Variants in KIF5A observed in about 807,000 individuals in gnomAD.
The protein encoded by KIF5A is kinesin heavy chain isoform 5A.
In KIF5A, 35 loss-of-function variants were observed where a neutral mutation model predicts 141.3. That is an observed-to-expected ratio of 0.25 (90% confidence interval 0.19 to 0.33). KIF5A has a LOEUF of 0.33. Ranked by LOEUF, KIF5A falls within the 10% of genes least tolerant of loss-of-function variation. KIF5A has a pLI of 1.00. For missense variants in KIF5A, 861 were observed against 1,314.3 expected, an observed-to-expected ratio of 0.66 and a Z score of 5.33; for synonymous variants, 448 against 500.2, an observed-to-expected ratio of 0.90 and a Z score of 1.39.
Position 57,572,252 on chromosome 12 carries a change from G to T in KIF5A, c.1554G>T (p.Glu518Asp). The change falls in exon 14 of 29, where the codon GAG becomes GAT. Residue 518 changes from glutamate to aspartate, a missense_variant. Physicochemically the swap from Glu to Asp is conservative, Grantham distance 45. Around this residue, in one of 5 missense-constraint regions of KIF5A, gnomAD observed 482 missense variants for 661.3 expected, o/e 0.73. Transcript: ENST00000455537. The surrounding 1 kb of genome is among the most constrained non-coding windows in gnomAD (Gnocchi z 4.2). Reference sequence around the variant, plus strand: ...AGCAGAACCAGCTTCTGGTGGATGAGCTGTCTCAGAAGGTGGTAAGTGGTG... The same window carrying T: ...AGCAGAACCAGCTTCTGGTGGATGATCTGTCTCAGAAGGTGGTAAGTGGTG... ...KSQQNQLLVD[E>D]LSQKVATMLS... is the part of the protein sequence containing the mutation. The T allele has an allele frequency of 1.3e-6, 2 of 1,596,378 alleles. No homozygotes were observed. Among genetic ancestry groups the T allele is most frequent in the Non-Finnish European group, 1.7e-6 (2 of 1,171,168 alleles).
intron 1 of KIF5A, among the ~76,000 whole-genome samples, chr12:57,558,628 G>A (rs1447648153): frequency 1.3e-5 from 2 of 152,180 alleles, no homozygotes; most frequent in Non-Finnish European, 2.9e-5. Context: ...GAGCTGAGAT[G>A]GAGCCACTGC....
At chr12:57,559,953 G>A (rs1229290182) in intron 1 of KIF5A, among the ~76,000 whole-genome samples, 4 of 152,184 alleles carry the variant, frequency 2.6e-5, no homozygotes, top group East Asian at 1.9e-4. Context: ...GTGCGGTGGC[G>A]CGATCTCGGC....
chr12:57,555,120 A>G (rs1396668100), intron 1 of KIF5A, among the ~76,000 whole-genome samples: 1 of 152,166 alleles, frequency 6.6e-6, no homozygotes, highest in Non-Finnish European at 1.5e-5. Flanking sequence ...GAGGCAGGGG[A>G]GAGGAACATC....
At chr12:57,557,833 A>G (rs2140155269) in intron 1 of KIF5A, among the ~76,000 whole-genome samples, 1 of 152,230 alleles carries the variant, frequency 6.6e-6, no homozygotes, top group Middle Eastern at 3.4e-3. Flanking sequence ...CTAGGATTAT[A>G]GGCATGTACC....
In KIF5A at chr12:57,550,092, G is replaced by T. The variant is rs1446102111; in HGVS notation, c.-180G>T. 1.3e-6 allele frequency: 1 copy of T among 746,580 alleles called. No homozygotes were observed. Among genetic ancestry groups the T allele is most frequent in the East Asian group, 2.7e-5 (1 of 36,874 alleles). The allele number at this position is 746,580 out of a possible 1,614,324, so 46.2% of individuals were successfully genotyped here. Reference sequence around the variant, plus strand: ...CCCAGGTCGCCCGCATCCCGCTGCCGCAGGAGAGAGACAGCGCGCCCCGGC... The same window carrying T: ...CCCAGGTCGCCCGCATCCCGCTGCCTCAGGAGAGAGACAGCGCGCCCCGGC... On this transcript the variant is annotated 5_prime_UTR_variant, in exon 1 of 29. Coordinates refer to ENST00000455537, the MANE Select transcript of KIF5A (RefSeq NM_004984.4). This position sits in a 1 kb window ranked among gnomAD's most constrained non-coding sequence, Gnocchi z 4.6.
At position 57,564,970 on chromosome 12, in the gene KIF5A, C is replaced by T; in HGVS notation, c.498C>T (p.Val166=). 6.2e-7 allele frequency: 1 copy of T among 1,614,038 alleles called. No individual in the cohort carries two copies. Among genetic ancestry groups the T allele is most frequent in the Non-Finnish European group, 8.5e-7 (1 of 1,179,964 alleles). The change falls in exon 6 of 29, where the codon GTC becomes GTT. Residue 166 remains valine (V), a synonymous_variant. Transcript: ENST00000455537. ...AGGACAAGAACCGGGTGCCATTTGT[C>T]AAGGTGAGAGTGGGTGTGGGGCACC... ...VHEDKNRVPF[V]KGCTERFVSS... is the part of the protein sequence containing the mutation.
intron 24 of KIF5A, 26 bp from the exon 25 acceptor site, chr12:57,581,389 A>G: frequency 6.2e-7 from 1 of 1,613,036 alleles, no homozygotes; most frequent in African/African-American, 1.3e-5. Context: ...TAGCCTCCTC[A>G]TGGTTGTTTT....
chr12:57,574,827 C>T (rs1882371627), intron 15 of KIF5A, among the ~76,000 whole-genome samples: 1 of 152,164 alleles, frequency 6.6e-6, no homozygotes, highest in Non-Finnish European at 1.5e-5. Context: ...AGGTGATCCA[C>T]CCACCTTGAC....
At chr12:57,562,054 C>G (rs546176365) in intron 1 of KIF5A, among the ~76,000 whole-genome samples, 85 of 152,210 alleles carry the variant, frequency 5.6e-4, no homozygotes, top group Non-Finnish European at 1.0e-3. Context: ...CTCATTTACT[C>G]GTCCCAGAGA....
rs1882471654 is a variant in KIF5A, at chr12:57,577,749, C to T, written c.2337C>T (p.Asp779=). 6.2e-7 allele frequency: 1 copy of T among 1,613,830 alleles called. No homozygotes were observed. Among genetic ancestry groups the T allele is most frequent in the East Asian group, 2.2e-5 (1 of 44,884 alleles). The change falls in exon 21 of 29, where the codon GAC becomes GAT. Residue 779 remains aspartate, a synonymous_variant. Transcript: ENST00000455537. ...AGCGACATGAGCAGTCCAAGCAGGA[C>T]CTCAAGGGTCTGGAGGAGACAGTTG... ...LYERHEQSKQ[D]LKGLEETVAR... is the part of the protein sequence containing the mutation.
chr12:57,553,668 A>C (rs1266583627), intron 1 of KIF5A, among the ~76,000 whole-genome samples: 1 of 152,158 alleles, frequency 6.6e-6, no homozygotes, highest in Non-Finnish European at 1.5e-5. Flanking sequence ...TGGACCCCTG[A>C]TCTTAAACCC....
chr12:57,573,611 C>G (rs572969477), intron 15 of KIF5A, among the ~76,000 whole-genome samples: 198 of 151,880 alleles, frequency 1.3e-3, no homozygotes, highest in African/African-American at 4.7e-3. Context: ...GGGTGGATCA[C>G]CTGAGGTCAG....
intron 1 of KIF5A, among the ~76,000 whole-genome samples, chr12:57,551,887 T>G: frequency 6.6e-6 from 1 of 152,076 alleles, no homozygotes; most frequent in East Asian, 1.9e-4. Flanking sequence ...TCTCTCTCTC[T>G]CTCTCTCTCT....
chr12:57,567,235 T>C lies in KIF5A; in HGVS notation c.589+22T>C, dbSNP rs766446405. On this transcript the variant is annotated intron_variant, in intron 7 of 28. Coordinates refer to ENST00000455537, the MANE Select transcript of KIF5A (RefSeq NM_004984.4). The stretch of plus-strand genomic sequence containing the variant: ...ACCAGTGAGTGAGGATACAAGGGGA[T>C]CTCTCGAGTCTGAGGATCCACTTGT... 12 of 1,570,792 alleles carry C rather than the reference T, an allele frequency of 7.6e-6. No homozygotes were observed. In the African/African-American group the frequency reaches 1.6e-4, roughly 21 times the overall value.
At chr12:57,571,299 C>T (rs1405924367) in intron 12 of KIF5A, 22 bp from the exon 13 acceptor site, 2 of 1,452,150 alleles carry the variant, frequency 1.4e-6, no homozygotes, top group Non-Finnish European at 1.9e-6. Context: ...CTTCACCTGT[C>T]TTTCCCTGTT....
chr12:57,567,567 G>A lies in KIF5A; in HGVS notation c.663G>A (p.Glu221=). The stretch of plus-strand genomic sequence containing the variant: ...TCAAGCAGGAGAACATGGAAACGGA[G>A]CAGAAGCTCAGTGGGAAGCTGTATC... ...INIKQENMET[E]QKLSGKLYLV... The change falls in exon 8 of 29, where the codon GAG becomes GAA. Residue 221 remains glutamate (E), a synonymous_variant. Transcript: ENST00000455537. 6.2e-7 allele frequency: 1 copy of A among 1,613,440 alleles called. No homozygotes were observed.
In KIF5A at chr12:57,577,747, G is replaced by A; in HGVS notation, c.2335G>A (p.Asp779Asn). The A allele has an allele frequency of 6.2e-7, 1 of 1,614,012 alleles. No individual in the cohort carries two copies. Among genetic ancestry groups the A allele is most frequent in the Non-Finnish European group, 8.5e-7 (1 of 1,179,910 alleles). ...LYERHEQSKQDLKGLEETVAR... is the reference protein window; with the variant it reads ...LYERHEQSKQNLKGLEETVAR... ...CGAGCGACATGAGCAGTCCAAGCAGGACCTCAAGGGTCTGGAGGAGACAGT... is the reference window on the plus strand; with the variant it reads ...CGAGCGACATGAGCAGTCCAAGCAGAACCTCAAGGGTCTGGAGGAGACAGT... Residue 779 changes from aspartate (D) to asparagine (N), a missense_variant, in exon 21 of 29, where the codon GAC becomes AAC. Physicochemically the swap from Asp to Asn is conservative, Grantham distance 23. Transcript: ENST00000455537.
Position 57,581,936 on chromosome 12 carries a change from G to A in KIF5A, c.2976G>A (p.Lys992=), listed in dbSNP as rs974592335. ...GCGGCCCCTTGGCTTCCTACCAGAA[G>A]GCCAACATGGACAATGGTGAGTGAA... ...SSGGPLASYQ[K]ANMDNGNATD... The change falls in exon 26 of 29, where the codon AAG becomes AAA. Residue 992 remains lysine (K), a synonymous_variant. Coordinates refer to ENST00000455537, the MANE Select transcript of KIF5A (RefSeq NM_004984.4). 1.2e-6 allele frequency: 2 copies of A among 1,613,920 alleles called. No homozygotes were observed. The highest frequency in any genetic ancestry group is 1.7e-5 in the Admixed American group (1 of 59,994).
At chr12:57,567,703 C>G (rs1416057228) in intron 8 of KIF5A, 85 bp downstream of exon 8, 2 of 1,425,770 alleles carry the variant, frequency 1.4e-6, no homozygotes, top group African/African-American at 1.4e-5. Flanking sequence ...CTCTGTCGCC[C>G]GGGCTGGTTT....
Sources: allele counts gnomAD v4.1 joint callset (sites outside exome capture counted in the v4.1 genomes callset), GRCh38; gene constraint gnomAD v4.1.1; regional missense constraint gnomAD v4.1.1; non-coding constraint Gnocchi (gnomAD v3.1); transcripts MANE v1.5; gene names NCBI Gene and HGNC (gene_info 2026-07-23, HGNC 2026-07-21).